Variants in MAST4 observed in about 807,000 individuals in gnomAD.
MAST4 encodes the protein microtubule associated serine/threonine kinase family member 4.
A neutral mutation model predicts 162.7 loss-of-function variants in MAST4; 89 were observed. That is an observed-to-expected ratio of 0.55 (90% CI 0.46 to 0.65). The LOEUF (loss-of-function observed/expected upper bound fraction) is 0.65. Ranked by LOEUF, MAST4 falls within the 30% of genes least tolerant of loss-of-function variation. The pLI, the probability that MAST4 is intolerant of heterozygous loss-of-function variation, is 0.00. For synonymous variants in MAST4, 1,479 were observed against 1,361.1 expected (o/e 1.09, Z -1.91); for missense variants, 3,153 against 3,374.0 (o/e 0.93, Z 1.62).
At chr5:66,743,429 G>T (rs572198821) in intron 1 of MAST4, among the ~76,000 whole-genome samples, 1 of 152,238 alleles carries the variant, frequency 6.6e-6, no homozygotes, top group Non-Finnish European at 1.5e-5. Flanking sequence ...TGGGGTGTCA[G>T]TGCTATTACC....
intron 1 of MAST4, among the ~76,000 whole-genome samples, chr5:66,723,828 G>A (rs76503134): frequency 0.045 from 6,918 of 152,190 alleles, 416 homozygotes; most frequent in African/African-American, 0.14. Context: ...TTACATTTTT[G>A]TTAAAACATT....
At chr5:67,093,781 C>A in intron 6 of MAST4, 1 of 376,910 alleles carries the variant, frequency 2.7e-6, no homozygotes, top group Non-Finnish European at 5.5e-6. Flanking sequence ...AATTGTGTCC[C>A]TCACTCTTTC....
At chr5:66,597,132 G>T in intron 1 of MAST4, 114 bp downstream of exon 1, 3 of 1,225,338 alleles carry the variant, frequency 2.4e-6, no homozygotes, top group Non-Finnish European at 3.1e-6. Flanking sequence ...GATAGGGAGG[G>T]ACCCCAAGCG....
intron 4 of MAST4, among the ~76,000 whole-genome samples, chr5:67,031,312 C>T (rs1021571414): frequency 2.0e-5 from 3 of 152,050 alleles, no homozygotes; most frequent in Non-Finnish European, 2.9e-5. Context: ...CGTCTCTTGT[C>T]GCCTTTTTAG....
At chr5:67,024,052 A>G (rs1472957069) in intron 4 of MAST4, among the ~76,000 whole-genome samples, 3 of 150,528 alleles carry the variant, frequency 2.0e-5, no homozygotes, top group East Asian at 3.9e-4. Flanking sequence ...TTAAAGAGCA[A>G]CTCCCCATTC....
At chr5:66,849,160 G>A (rs1458232275) in intron 3 of MAST4, among the ~76,000 whole-genome samples, 2 of 152,090 alleles carry the variant, frequency 1.3e-5, no homozygotes, top group South Asian at 4.2e-4. Flanking sequence ...GCCAAACTGG[G>A]GTTCCATGTC....
At chr5:67,043,145 A>G (rs1344597592) in intron 4 of MAST4, among the ~76,000 whole-genome samples, 1 of 152,202 alleles carries the variant, frequency 6.6e-6, no homozygotes, top group Non-Finnish European at 1.5e-5. Context: ...AGCAGAAGGA[A>G]GGAAGAGACC....
At chr5:67,089,574 G>A (rs925817912) in intron 5 of MAST4, among the ~76,000 whole-genome samples, 2 of 152,256 alleles carry the variant, frequency 1.3e-5, no homozygotes, top group African/African-American at 4.8e-5. Context: ...TGGCAATGCT[G>A]AGATAGATCT....
intron 4 of MAST4, among the ~76,000 whole-genome samples, chr5:67,027,463 G>T (rs896680914): frequency 3.9e-5 from 6 of 152,154 alleles, no homozygotes; most frequent in African/African-American, 1.4e-4. Flanking sequence ...ACTGCAAAAA[G>T]AAACATAGTT....
intron 1 of MAST4, among the ~76,000 whole-genome samples, chr5:66,702,120 T>G (rs1158251163): frequency 2.6e-5 from 4 of 152,202 alleles, no homozygotes; most frequent in Admixed American, 6.5e-5. Flanking sequence ...TAATGTTGAT[T>G]GGCTCCTTGG....
chr5:66,917,202 T>A (rs1400275293), intron 4 of MAST4: 1 of 533,154 alleles, frequency 1.9e-6, no homozygotes, highest in East Asian at 2.9e-5. Flanking sequence ...ACCACTGATG[T>A]TGAGTATATT....
In MAST4 at chr5:67,054,411, A is replaced by G. The variant is rs748583037; in HGVS notation, c.682A>G (p.Thr228Ala). Residue 228 changes from threonine to alanine, a missense_variant, in exon 5 of 29, where the codon ACA (threonine) becomes GCA (alanine). This residue lies in a region of MAST4 where 327 missense variants were observed against 336.5 expected (regional missense o/e 0.97). Transcript: ENST00000403625. ...TTTCTTTCTTTTTGATAGTTGCCGA[A>G]CAAGCAACCGGAAAAGCTTAATAGG... ...SLPRRGSFCRTSNRKSLIGNG... is the reference protein window; with the variant it reads ...SLPRRGSFCRASNRKSLIGNG... The G allele has an allele frequency of 1.2e-6, 2 of 1,605,612 alleles. No homozygotes were observed. The highest frequency in any genetic ancestry group is 2.2e-5 in the East Asian group (1 of 44,510).
intron 4 of MAST4, among the ~76,000 whole-genome samples, chr5:66,962,330 G>C (rs1746118129): frequency 6.6e-6 from 1 of 152,202 alleles, no homozygotes. Flanking sequence ...CATAGTTCTT[G>C]CTACTCAGGA....
At chr5:66,745,586 T>C (rs1752707424) in intron 1 of MAST4, among the ~76,000 whole-genome samples, 1 of 152,184 alleles carries the variant, frequency 6.6e-6, no homozygotes, top group Admixed American at 6.5e-5. Context: ...CCTATGTGAG[T>C]AAATGCAATT....
intron 1 of MAST4, among the ~76,000 whole-genome samples, chr5:66,662,127 A>T (rs886610221): frequency 4.0e-5 from 6 of 150,064 alleles, no homozygotes; most frequent in Non-Finnish European, 7.4e-5. Flanking sequence ...GGCTCTGGGG[A>T]TATAACAGTG....
chr5:66,922,551 A>G (rs1339512903), intron 4 of MAST4, among the ~76,000 whole-genome samples: 4 of 152,140 alleles, frequency 2.6e-5, no homozygotes, highest in East Asian at 1.9e-4. Flanking sequence ...TTCTGCTGTC[A>G]TTTCTGCTAA....
At chr5:66,888,183 A>G (rs973603419) in intron 3 of MAST4, among the ~76,000 whole-genome samples, 3 of 152,260 alleles carry the variant, frequency 2.0e-5, no homozygotes, top group Non-Finnish European at 2.9e-5. Flanking sequence ...CCTCTTTACA[A>G]TAAATTTCGG....
rs1561576229 is a variant in MAST4, at chr5:67,049,025, A to ATATATATATACGTATATATATATACACG, written c.675-5369_675-5368insCGTATATATATATACACGTATATATATA. Among the ~76,000 whole-genome samples, 26 of 69,064 alleles carry ATATATATATACGTATATATATATACACG rather than the reference A, an allele frequency of 3.8e-4. No individual in the cohort carries two copies. In the South Asian group the frequency reaches 0.013, roughly 35 times the overall value. The allele number at this position is 69,064 out of a possible 152,430, so 45.3% of individuals were successfully genotyped here. A position where few individuals can be genotyped will look rare whatever the true frequency, so the allele number is the denominator to read the frequency against. On this transcript the variant is annotated intron_variant, in intron 4 of 28. Coordinates refer to ENST00000403625, the MANE Select transcript of MAST4 (RefSeq NM_001164664.2). ...TACACACACATATATATATATACGT[A>ATATATATATACGTATATATATATACACG]TATATATATATATATACGTGTATAT...
intron 5 of MAST4, among the ~76,000 whole-genome samples, chr5:67,056,698 G>GTTTTGT (rs1434599638): frequency 6.6e-6 from 1 of 152,048 alleles, no homozygotes; most frequent in African/African-American, 2.4e-5. Context: ...TTCTAAGAGT[G>GTTTTGT]TTTTGTTTTT....
Sources: gnomAD v4.1 joint callset for allele counts (sites outside exome capture counted in the v4.1 genomes callset) on GRCh38, gnomAD v4.1.1 for gene constraint, gnomAD v4.1.1 regional missense constraint, MANE v1.5 for transcripts, NCBI Gene and HGNC (gene_info 2026-07-23, HGNC 2026-07-21) for gene names.